The following CUBN variants were observed in gnomAD, a reference collection of about 807,000 sequenced individuals.
CUBN encodes the protein 460 kDa receptor.
A neutral mutation model predicts 405.3 loss-of-function variants in CUBN; 282 were observed. That is an observed-to-expected ratio of 0.70 (90% confidence interval 0.63 to 0.77). CUBN has a LOEUF of 0.77. Ranked by LOEUF, CUBN falls within the 30% of genes least tolerant of loss-of-function variation. The pLI, the probability that CUBN is intolerant of heterozygous loss-of-function variation, is 0.00. For synonymous variants in CUBN, 1,684 were observed against 1,617.0 expected, an observed-to-expected ratio of 1.04 and a Z score of -0.99; for missense variants, 4,514 against 4,475.2, an observed-to-expected ratio of 1.01 and a Z score of -0.25.
At chr10:17,031,697 T>A (rs976669345) in intron 27 of CUBN, among the ~76,000 whole-genome samples, 1 of 152,178 alleles carries the variant, frequency 6.6e-6, no homozygotes, top group Non-Finnish European at 1.5e-5. Context: ...CAGTTCTAAT[T>A]CCAGTGACTC....
chr10:16,974,769 G>A (rs772102501), intron 31 of CUBN, among the ~76,000 whole-genome samples: 15 of 151,968 alleles, frequency 9.9e-5, no homozygotes, highest in Non-Finnish European at 1.3e-4. Context: ...CAAGACTAGC[G>A]CCCCCTCCCT....
chr10:17,067,141 C>T (rs747858255), intron 21 of CUBN, among the ~76,000 whole-genome samples: 2 of 151,906 alleles, frequency 1.3e-5, no homozygotes, highest in African/African-American at 2.4e-5. Context: ...CATGAAAAGA[C>T]GTGGGAAAGT....
At chr10:16,877,796 A>C (rs1840554983) in intron 56 of CUBN, among the ~76,000 whole-genome samples, 1 of 150,508 alleles carries the variant, frequency 6.6e-6, no homozygotes, top group Non-Finnish European at 1.5e-5. Context: ...AAAACAAAAT[A>C]AACAAGAAAT....
intron 40 of CUBN, among the ~76,000 whole-genome samples, chr10:16,929,646 T>G (rs559032962): frequency 6.6e-6 from 1 of 152,328 alleles, no homozygotes; most frequent in Non-Finnish European, 1.5e-5. Context: ...GGAGGGTTTC[T>G]GATCGCTGGA....
rs368123616 is a variant in CUBN, at chr10:16,840,387, T to C, written c.9975A>G (p.Leu3325=). Residue 3325 remains leucine (L), a synonymous_variant, in exon 62 of 67, where the codon TTA becomes TTG. Coordinates refer to ENST00000377833, the MANE Select transcript of CUBN (RefSeq NM_001081.4). ...GCGTGCAGTCTTGCGAGGTCAGCTG[T>C]AATGCCCACACAGTTATCTTGACCT... The part of the protein sequence containing the change: ...HQQVKITVWA[L]QLTSQDCTQN... The C allele has an allele frequency of 4.3e-6, 7 of 1,614,166 alleles. No individual in the cohort carries two copies. The highest frequency in any genetic ancestry group is 5.9e-6 in the Non-Finnish European group (7 of 1,180,018).
intron 33 of CUBN, 92 bp from the exon 34 acceptor site, chr10:16,950,203 T>G: frequency 2.4e-6 from 2 of 826,280 alleles, no homozygotes; most frequent in African/African-American, 3.4e-5. Flanking sequence ...GGATGGTTAA[T>G]GACTATAAAA....
In CUBN at chr10:17,103,209, A is replaced by G. The variant is rs1175927110; in HGVS notation, c.1446T>C (p.Asn482=). 1 of 1,613,398 alleles carries G rather than the reference A, an allele frequency of 6.2e-7. No individual in the cohort carries two copies. Among genetic ancestry groups the G allele is most frequent in the Admixed American group, 1.7e-5 (1 of 60,004 alleles). The part of the protein sequence containing the change: ...QVCGESLSGI[N]GSFSYRSPDV... ...CCGGGCTCCTGTAGCTGAAGCTTCC[A>G]TTTATTCCTGAGAGGGACTCTCCAC... Residue 482 remains asparagine (N), a synonymous_variant, in exon 13 of 67, where the codon AAT becomes AAC. Coordinates refer to ENST00000377833, the MANE Select transcript of CUBN (RefSeq NM_001081.4).
chr10:16,939,010 C>T lies in CUBN; in HGVS notation c.5686G>A (p.Glu1896Lys). The T allele has an allele frequency of 6.2e-7, 1 of 1,613,880 alleles. No homozygotes were observed. The highest frequency in any genetic ancestry group is 1.1e-5 in the South Asian group (1 of 91,072). Residue 1896 changes from glutamate to lysine, a missense_variant, in exon 38 of 67, where the codon GAG becomes AAG. Physicochemically the swap from Glu to Lys is moderately conservative, Grantham distance 56 (BLOSUM62 1). Transcript: ENST00000377833. Reference sequence around the variant, plus strand: ...TTTTGTATTTCTTCTATGTCCATCTCCAAGATTCTACCATGGACAACGTGA... The same window carrying T: ...TTTTGTATTTCTTCTATGTCCATCTTCAAGATTCTACCATGGACAACGTGA... ...ASHVVHGRIL[E>K]MDIEEIQNCY... is the part of the protein sequence containing the mutation.
At chr10:16,832,695 A>C (rs370877199) in intron 64 of CUBN, among the ~76,000 whole-genome samples, 3 of 152,186 alleles carry the variant, frequency 2.0e-5, no homozygotes, top group Non-Finnish European at 4.4e-5. Flanking sequence ...CCTAGGAAGA[A>C]TGGGGCCACC....
At chr10:16,834,366 G>A (rs2131308858) in intron 64 of CUBN, among the ~76,000 whole-genome samples, 1 of 152,242 alleles carries the variant, frequency 6.6e-6, no homozygotes, top group Non-Finnish European at 1.5e-5. Flanking sequence ...CAGGCACAAG[G>A]GGGCTTCTCT....
At chr10:16,839,951 C>A (rs1588575030) in intron 62 of CUBN, among the ~76,000 whole-genome samples, 1 of 151,654 alleles carries the variant, frequency 6.6e-6, no homozygotes, top group African/African-American at 2.4e-5. Context: ...TCATTCTCAG[C>A]AAACTATCGC....
chr10:17,069,336 T>C (rs1055957005), intron 19 of CUBN, among the ~76,000 whole-genome samples: 3 of 152,230 alleles, frequency 2.0e-5, no homozygotes, highest in Non-Finnish European at 2.9e-5. Flanking sequence ...TCATTCCCCT[T>C]GAGAATATAT....
At chr10:16,897,445 A>G (rs1245296291) in intron 54 of CUBN, among the ~76,000 whole-genome samples, 1 of 152,092 alleles carries the variant, frequency 6.6e-6, no homozygotes, top group Non-Finnish European at 1.5e-5. Flanking sequence ...TGCTGGTGCT[A>G]CCTGAGGGAC....
At position 16,936,291 on chromosome 10, in the gene CUBN, T is replaced by C. The variant is rs1308705332; in HGVS notation, c.5926+1301A>G. ...AGTTTATTTCTAAGAGCTCTGGATA[T>C]ATCCATCCAGATTTAAATGTTGCCT... is the stretch of plus-strand genomic sequence containing the variant. On this transcript the variant is annotated intron_variant, in intron 39 of 66. Transcript: ENST00000377833. 2.0e-5 allele frequency among the ~76,000 whole-genome samples: 3 copies of C among 152,238 alleles called. No homozygotes were observed. In the South Asian group the frequency reaches 6.2e-4, roughly 31 times the overall value.
intron 28 of CUBN, among the ~76,000 whole-genome samples, chr10:16,999,026 T>C (rs1049029421): frequency 6.6e-6 from 1 of 152,184 alleles, no homozygotes; most frequent in African/African-American, 2.4e-5. Flanking sequence ...GAGCATCGGG[T>C]TTCAATGGTA....
rs1218802056 is a variant in CUBN, at chr10:16,937,618, T to C, written c.5900A>G (p.Asp1967Gly). Reference sequence around the variant, plus strand: ...TGGAGCAATGGTAGGTAAAACACCATCAGGTGCATCCACTGCAAACCACTC... The same window carrying C: ...TGGAGCAATGGTAGGTAAAACACCACCAGGTGCATCCACTGCAAACCACTC... ...LLEWFAVDAPDGVLPTIAPGA... is the reference protein window; with the variant it reads ...LLEWFAVDAPGGVLPTIAPGA... The change falls in exon 39 of 67, where the codon GAT becomes GGT. Residue 1967 changes from aspartate to glycine, a missense_variant. By Grantham distance (94) the Asp-to-Gly change is moderately conservative. Coordinates refer to ENST00000377833, the MANE Select transcript of CUBN (RefSeq NM_001081.4). 6.2e-7 allele frequency: 1 copy of C among 1,613,822 alleles called. No individual in the cohort carries two copies. The highest frequency in any genetic ancestry group is 1.3e-5 in the African/African-American group (1 of 74,878).
chr10:16,952,163 A>G, intron 33 of CUBN, 113 bp downstream of exon 33: 1 of 764,046 alleles, frequency 1.3e-6, no homozygotes, highest in Non-Finnish European at 2.3e-6. Flanking sequence ...GCAAAAGATG[A>G]AGAGGAAGGC....
intron 27 of CUBN, among the ~76,000 whole-genome samples, chr10:17,025,935 G>A (rs1316378154): frequency 2.6e-5 from 4 of 152,106 alleles, no homozygotes; most frequent in African/African-American, 9.7e-5. Flanking sequence ...AGCAAAGAGA[G>A]TTAGGAAACC....
At position 16,914,031 on chromosome 10, in the gene CUBN, T is replaced by G. The variant is rs981136216; in HGVS notation, c.7352-39A>C. The G allele has an allele frequency of 3.1e-6, 5 of 1,604,958 alleles. No homozygotes were observed. In the African/African-American group the frequency reaches 6.7e-5, roughly 21 times the overall value. The stretch of plus-strand genomic sequence containing the variant: ...AAAGCCAAGAAAACTTTCAATCAAA[T>G]CAAAATGTTTCCTTCCATCAAGAAA... On this transcript the variant is annotated intron_variant, in intron 47 of 66. Coordinates refer to ENST00000377833, the MANE Select transcript of CUBN (RefSeq NM_001081.4).
Sources: gnomAD v4.1 joint callset for allele counts (sites outside exome capture counted in the v4.1 genomes callset) on GRCh38, gnomAD v4.1.1 for gene constraint, MANE v1.5 for transcripts, NCBI Gene and HGNC (gene_info 2026-07-23, HGNC 2026-07-21) for gene names.